The following ANKS1B variants were observed in gnomAD, a reference collection of about 807,000 sequenced individuals.
The protein encoded by ANKS1B is ankyrin repeat and sterile alpha motif domain containing 1B.
Under a neutral mutation model 148.3 loss-of-function variants are expected in ANKS1B, and 36 were observed. That is an observed-to-expected ratio of 0.24 (90% CI 0.19 to 0.32). ANKS1B has a LOEUF of 0.32. Among genes scored for constraint, ANKS1B ranks in the 10% least tolerant of loss-of-function variants. ANKS1B has a pLI of 1.00. For synonymous variants in ANKS1B, 542 were observed against 560.8 expected (o/e 0.97, Z 0.47); for missense variants, 1,157 against 1,542.6 (o/e 0.75, Z 4.19).
rs1164225872 is a variant in ANKS1B at position 98,794,880 on chromosome 12, C to T, written c.3342+4054G>A. ...AAGTCAAGCAAAACATCCATCTTATCCGAGCCCCTCTTGCAGGCAAAGGGA... is the reference window on the plus strand; with the variant it reads ...AAGTCAAGCAAAACATCCATCTTATTCGAGCCCCTCTTGCAGGCAAAGGGA... On this transcript the variant is annotated intron_variant, in intron 22 of 26. Coordinates refer to ENST00000683438, the MANE Select transcript of ANKS1B (RefSeq NM_001352186.2). 208 of 1,600,314 alleles carry T rather than the reference C, an allele frequency of 1.3e-4. No homozygotes were observed. The East Asian group carries it at 4.4e-3, about 34-fold the overall frequency.
At position 99,079,473 on chromosome 12, in the gene ANKS1B, T is replaced by C. The variant is rs2048930438; in HGVS notation, c.2625+5452A>G. On this transcript the variant is annotated intron_variant, in intron 16 of 26. Transcript: ENST00000683438. ...TAAAGGGCCACTAAAATTCAGGTGTTCATTATGTAGTAAAGTAACAGTAGC... is the reference window on the plus strand; with the variant it reads ...TAAAGGGCCACTAAAATTCAGGTGTCCATTATGTAGTAAAGTAACAGTAGC... 2.0e-5 allele frequency among the ~76,000 whole-genome samples: 3 copies of C among 152,296 alleles called. No homozygotes were observed. The South Asian group carries it at 6.2e-4, about 32-fold the overall frequency.
intron 8 of ANKS1B, among the ~76,000 whole-genome samples, chr12:99,751,661 G>T (rs2061118049): frequency 6.6e-6 from 1 of 152,004 alleles, no homozygotes; most frequent in South Asian, 2.1e-4. Flanking sequence ...CCCATACCAG[G>T]ATTCTGTGAT....
intron 17 of ANKS1B, among the ~76,000 whole-genome samples, chr12:98,846,023 C>CAAATAT (rs1357091808): frequency 2.6e-5 from 2 of 76,032 alleles, no homozygotes; most frequent in Admixed American, 2.8e-4. Context: ...TACACATACA[C>CAAATAT]ACATATATAT....
intron 9 of ANKS1B, among the ~76,000 whole-genome samples, chr12:99,516,809 A>C (rs1250018075): frequency 6.6e-6 from 1 of 152,164 alleles, no homozygotes; most frequent in Non-Finnish European, 1.5e-5. Flanking sequence ...CCTTTGTAAA[A>C]AATGAGTTCA....
At chr12:99,166,208 C>G (rs2077172017) in intron 14 of ANKS1B, among the ~76,000 whole-genome samples, 1 of 150,982 alleles carries the variant, frequency 6.6e-6, no homozygotes, top group Non-Finnish European at 1.5e-5. Flanking sequence ...AGTTTAGAAA[C>G]AAAGCAAGGA....
At chr12:98,958,530 C>A (rs190728698) in intron 17 of ANKS1B, among the ~76,000 whole-genome samples, 1 of 152,182 alleles carries the variant, frequency 6.6e-6, no homozygotes, top group Non-Finnish European at 1.5e-5. Flanking sequence ...CCTTCCATGA[C>A]GACTGGTAGC....
chr12:98,877,457 T>C (rs1253831840), intron 17 of ANKS1B, among the ~76,000 whole-genome samples: 1 of 152,186 alleles, frequency 6.6e-6, no homozygotes, highest in Non-Finnish European at 1.5e-5. Context: ...ATACAACAGA[T>C]TGACTATTCA....
chr12:99,258,484 A>G (rs1021722004), intron 12 of ANKS1B, among the ~76,000 whole-genome samples: 4 of 152,188 alleles, frequency 2.6e-5, no homozygotes, highest in Admixed American at 1.3e-4. Flanking sequence ...TAAATCCTGG[A>G]TCAACTTGAT....
intron 19 of ANKS1B, among the ~76,000 whole-genome samples, chr12:98,825,460 A>G (rs1263793472): frequency 6.6e-6 from 1 of 152,148 alleles, no homozygotes; most frequent in African/African-American, 2.4e-5. Context: ...CTTAGGCAAG[A>G]GCATTCAAAA....
Position 99,211,097 on chromosome 12 carries a change from A to G in ANKS1B, c.2419+33245T>C, listed in dbSNP as rs527717405. ...ATTATGAGGACACTATAAGCTATGA[A>G]TGGCATGTTGACTTCAGAAACCCAG... On this transcript the variant is annotated intron_variant, in intron 14 of 26. Coordinates refer to ENST00000683438, the MANE Select transcript of ANKS1B (RefSeq NM_001352186.2). Among the ~76,000 whole-genome samples, 5 of 152,334 alleles carry G rather than the reference A, an allele frequency of 3.3e-5. No homozygotes were observed. The East Asian group carries it at 9.6e-4, about 29-fold the overall frequency.
intron 17 of ANKS1B, among the ~76,000 whole-genome samples, chr12:98,971,728 T>C (rs1365836014): frequency 6.6e-5 from 10 of 152,228 alleles, no homozygotes; most frequent in Admixed American, 6.5e-4. Context: ...ATGAGGGTCC[T>C]ATGTTACAGA....
intron 22 of ANKS1B, among the ~76,000 whole-genome samples, chr12:98,790,167 A>G (rs1406593029): frequency 6.6e-6 from 1 of 152,232 alleles, no homozygotes; most frequent in African/African-American, 2.4e-5. Context: ...TATCACTTAT[A>G]AGTGCAACTT....
chr12:99,262,847 T>C (rs1049740499), intron 12 of ANKS1B, among the ~76,000 whole-genome samples: 10 of 152,060 alleles, frequency 6.6e-5, no homozygotes, highest in African/African-American at 2.4e-4. Flanking sequence ...CATTTGGTCT[T>C]TTATAGTGAC....
At chr12:99,980,740 TATA>T (rs1250222573) in intron 1 of ANKS1B, among the ~76,000 whole-genome samples, 2 of 152,028 alleles carry the variant, frequency 1.3e-5, no homozygotes, top group African/African-American at 4.8e-5. Flanking sequence ...GAAAAATACT[TATA>T]AGAAAACAAA....
At chr12:98,949,261 C>A (rs1387896720) in intron 17 of ANKS1B, among the ~76,000 whole-genome samples, 8 of 151,948 alleles carry the variant, frequency 5.3e-5, no homozygotes, top group African/African-American at 7.2e-5. Flanking sequence ...CAGGTATGAG[C>A]TACTTTTAAG....
intron 1 of ANKS1B, among the ~76,000 whole-genome samples, chr12:99,887,390 AAATAAAATCAT>A (rs1343388075): frequency 6.6e-6 from 1 of 152,250 alleles, no homozygotes; most frequent in Non-Finnish European, 1.5e-5. Flanking sequence ...GGGTTGGATT[AAATAAAATCAT>A]TATTAAAATT....
chr12:99,417,577 C>G (rs2094946477), intron 11 of ANKS1B, among the ~76,000 whole-genome samples: 1 of 151,860 alleles, frequency 6.6e-6, no homozygotes, highest in East Asian at 1.9e-4. Context: ...CTTATATTTA[C>G]AAAAAAGTGT....
intron 4 of ANKS1B, among the ~76,000 whole-genome samples, chr12:99,794,421 A>C (rs1434452456): frequency 6.6e-6 from 1 of 151,192 alleles, no homozygotes; most frequent in Non-Finnish European, 1.5e-5. Flanking sequence ...GAAGCAACCT[A>C]AGTGTCCATC....
chr12:99,332,690 A>AG (rs1210596854), intron 12 of ANKS1B, among the ~76,000 whole-genome samples: 1 of 20 alleles, frequency 0.05, no homozygotes, highest in Non-Finnish European at 0.17. Flanking sequence ...CTGAGCTTTC[A>AG]AAAAAAAAAA....
Sources: allele counts gnomAD v4.1 joint callset (sites outside exome capture counted in the v4.1 genomes callset), GRCh38; gene constraint gnomAD v4.1.1; transcripts MANE v1.5; gene names NCBI Gene and HGNC (gene_info 2026-07-23, HGNC 2026-07-21).